Variants in SPTAN1 observed in about 807,000 individuals in gnomAD.
The protein encoded by SPTAN1 is spectrin alpha chain, non-erythrocytic 1.
Under a neutral mutation model 331.3 loss-of-function variants are expected in SPTAN1, and 61 were observed. The ratio of observed to expected loss-of-function variants is 0.18; its 90% CI spans 0.15 to 0.23. The LOEUF (loss-of-function observed/expected upper bound fraction) is 0.23, where lower values mean the gene tolerates loss of function less well. Ranked by LOEUF, SPTAN1 falls within the 10% of genes least tolerant of loss-of-function variation. The pLI is 1.00. For synonymous variants in SPTAN1, 1,153 were observed against 1,173.9 expected (o/e 0.98, Z 0.36); for missense variants, 2,043 against 3,147.9 (o/e 0.65, Z 8.40).
intron 5 of SPTAN1, 89 bp from the exon 6 acceptor site, chr9:128,576,734 T>G: frequency 1.9e-6 from 3 of 1,549,530 alleles, no homozygotes; most frequent in African/African-American, 1.4e-5. Context: ...GGTGATTTGC[T>G]GAGATGCTTC....
Position 128,611,716 on chromosome 9 carries a change from C to A in SPTAN1, c.4776C>A (p.Ser1592Arg), listed in dbSNP as rs184863049. 1 of 1,614,026 alleles carries A rather than the reference C, an allele frequency of 6.2e-7. No individual in the cohort carries two copies. Among genetic ancestry groups the A allele is most frequent in the Non-Finnish European group, 8.5e-7 (1 of 1,180,026 alleles). Residue 1592 changes from serine (S) to arginine (R), a missense_variant and splice_region_variant, in exon 38 of 57, where the codon AGC becomes AGA. By Grantham distance (110) the Ser-to-Arg change is moderately radical (BLOSUM62 -1). Coordinates refer to ENST00000372739, the MANE Select transcript of SPTAN1 (RefSeq NM_001130438.3). ...AAAAATTTTTTTGGTATTTTTAGAG[C>A]AAGCACCAGAAGCACCAGGCTTTTG... ...PTNIQLSKLLSKHQKHQAFEA... is the reference protein window; with the variant it reads ...PTNIQLSKLLRKHQKHQAFEA...
Position 128,578,147 on chromosome 9 carries a change from A to C in SPTAN1, c.1123A>C (p.Ser375Arg). The C allele has an allele frequency of 6.2e-7, 1 of 1,614,186 alleles. No homozygotes were observed. The highest frequency in any genetic ancestry group is 8.5e-7 in the Non-Finnish European group (1 of 1,180,034). Residue 375 changes from serine (S) to arginine (R), a missense_variant, in exon 9 of 57, where the codon AGC becomes CGC. Physicochemically the swap from Ser to Arg is moderately radical, Grantham distance 110. This residue lies in a region of SPTAN1 where 1,038 missense variants were observed against 1,531.5 expected (regional missense o/e 0.68). Coordinates refer to ENST00000372739, the MANE Select transcript of SPTAN1 (RefSeq NM_001130438.3). ...RFLADFRDLT[S>R]WVTEMKALIN... is the part of the protein sequence containing the mutation. ...CCTTGCTGACTTCCGTGACCTCACC[A>C]GCTGGGTGACTGAGATGAAAGCCCT...
rs1858943637 is a variant in SPTAN1 at position 128,627,478 on chromosome 9, C to T, written c.6669C>T (p.His2223=). The T allele has an allele frequency of 6.4e-7, 1 of 1,551,230 alleles. No individual in the cohort carries two copies. The change falls in exon 50 of 57, where the codon CAC becomes CAT. Residue 2223 remains histidine (H), a synonymous_variant. Transcript: ENST00000372739. This position sits in a 1 kb window ranked among gnomAD's most constrained non-coding sequence, Gnocchi z 4.9. ...QEFAQHANAF[H]QWIQETRTYL... ...TTGCCCAGCACGCCAACGCCTTCCA[C>T]CAGTGGATCCAAGAGACCAGGTGCC... is the stretch of plus-strand genomic sequence containing the variant.
chr9:128,615,925 G>T, intron 41 of SPTAN1, 85 bp downstream of exon 41: 25 of 1,456,872 alleles, frequency 1.7e-5, no homozygotes, highest in Non-Finnish European at 2.3e-5. Flanking sequence ...GAGTGGTGAG[G>T]CTGGAAACCC....
At chr9:128,556,369 A>G (rs1589109513) in intron 1 of SPTAN1, among the ~76,000 whole-genome samples, 1 of 152,162 alleles carries the variant, frequency 6.6e-6, no homozygotes, top group East Asian at 1.9e-4. Context: ...TCTAGTGTTT[A>G]TAGGTGATAA....
intron 37 of SPTAN1, 59 bp from the exon 38 acceptor site, chr9:128,611,655 C>T: frequency 6.2e-7 from 1 of 1,604,908 alleles, no homozygotes; most frequent in Non-Finnish European, 8.5e-7. Context: ...ACCCCTTCCC[C>T]CTGAAAAGAC....
chr9:128,607,507 T>G, intron 31 of SPTAN1, 97 bp from the exon 32 acceptor site: 1 of 1,109,626 alleles, frequency 9.0e-7, no homozygotes, highest in Admixed American at 1.7e-5. Flanking sequence ...CAAGATAACT[T>G]TCTGAGGCAA....
intron 24 of SPTAN1, among the ~76,000 whole-genome samples, chr9:128,595,667 C>G (rs1477727852): frequency 1.3e-5 from 2 of 152,082 alleles, no homozygotes; most frequent in African/African-American, 4.8e-5. Flanking sequence ...ATTTGTGTCA[C>G]TTCAGAAGAA....
intron 49 of SPTAN1, among the ~76,000 whole-genome samples, 159 bp downstream of exon 49, chr9:128,626,846 T>C (rs1014644675): frequency 6.6e-6 from 1 of 152,018 alleles, no homozygotes; most frequent in Non-Finnish European, 1.5e-5. Context: ...TGAGGCAGGG[T>C]CTCTGTCACC....
Position 128,625,840 on chromosome 9 carries a change from G to T in SPTAN1, c.6141G>T (p.Gln2047His), listed in dbSNP as rs1244126171. ...CCAACATCACTGCCCTCAAAGATCA[G>T]CTTCTCGCCGCCAAACACGTTCAGT... ...GIANITALKD[Q>H]LLAAKHVQSK... The change falls in exon 48 of 57, where the codon CAG becomes CAT. Residue 2047 changes from glutamine to histidine, a missense_variant. Gln to His is a conservative substitution (Grantham distance 24). This residue lies in a region of SPTAN1 where 256 missense variants were observed against 376.4 expected (regional missense o/e 0.68). Coordinates refer to ENST00000372739, the MANE Select transcript of SPTAN1 (RefSeq NM_001130438.3). The surrounding 1 kb of genome is among the most constrained non-coding windows in gnomAD (Gnocchi z 4.1). 3 of 1,614,200 alleles carry T rather than the reference G, an allele frequency of 1.9e-6. No individual in the cohort carries two copies. The highest frequency in any genetic ancestry group is 2.5e-6 in the Non-Finnish European group (3 of 1,180,036).
At chr9:128,588,637 C>A (rs914555489) in intron 20 of SPTAN1, among the ~76,000 whole-genome samples, 172 bp from the exon 21 acceptor site, 1 of 151,838 alleles carries the variant, frequency 6.6e-6, no homozygotes, top group Non-Finnish European at 1.5e-5. Context: ...TTTAAAGATA[C>A]CAAAAATTTA....
At chr9:128,565,163 C>A (rs564024771) in intron 1 of SPTAN1, among the ~76,000 whole-genome samples, 20 of 152,144 alleles carry the variant, frequency 1.3e-4, no homozygotes, top group African/African-American at 4.8e-4. Flanking sequence ...ATTAGCTGGG[C>A]GTGGTGGTGC....
Position 128,612,242 on chromosome 9 carries a change from C to T in SPTAN1, c.5039C>T (p.Ser1680Phe). 1 of 1,614,164 alleles carries T rather than the reference C, an allele frequency of 6.2e-7. No homozygotes were observed. Among genetic ancestry groups the T allele is most frequent in the Non-Finnish European group, 8.5e-7 (1 of 1,180,042 alleles). ...TGIKDFDFWL[S>F]EVEALLASED... ...ATCAAGGACTTTGACTTCTGGCTGT[C>T]TGAGGTAACACTGAGTGGTTCCTCT... The change falls in exon 39 of 57, where the codon TCT becomes TTT. Residue 1680 changes from serine (S) to phenylalanine (F), a missense_variant. Physicochemically the swap from Ser to Phe is radical, Grantham distance 155 (BLOSUM62 -2). This residue lies in a region of SPTAN1 where 323 missense variants were observed against 581.1 expected (regional missense o/e 0.56). Coordinates refer to ENST00000372739, the MANE Select transcript of SPTAN1 (RefSeq NM_001130438.3).
intron 35 of SPTAN1, 47 bp downstream of exon 35, chr9:128,609,024 C>T: frequency 6.2e-7 from 1 of 1,613,272 alleles, no homozygotes; most frequent in Non-Finnish European, 8.5e-7. Flanking sequence ...TGAGAGGATG[C>T]ATCCCCTCAT....
At chr9:128,618,188 A>C in intron 43 of SPTAN1, 80 bp downstream of exon 43, 1 of 1,593,774 alleles carries the variant, frequency 6.3e-7, no homozygotes, top group Non-Finnish European at 8.6e-7. Context: ...GTGGGGGTCC[A>C]GTGGGCCCTC....
At position 128,626,581 on chromosome 9, in the gene SPTAN1, A is replaced by G. The variant is rs985288328; in HGVS notation, c.6470A>G (p.Glu2157Gly). 5.6e-6 allele frequency: 9 copies of G among 1,613,722 alleles called. No homozygotes were observed. Among genetic ancestry groups the G allele is most frequent in the Non-Finnish European group, 7.6e-6 (9 of 1,179,922 alleles). Residue 2157 changes from glutamate (E) to glycine (G), a missense_variant, in exon 49 of 57, where the codon GAG (glutamate) becomes GGG (glycine). Transcript: ENST00000372739. Reference protein sequence around the residue: ...SAQADFNQLAELDRQIKSFRV... With the variant: ...SAQADFNQLAGLDRQIKSFRV... ...CAGGCTGACTTCAACCAGCTGGCCGAGCTGGACCGCCAGATCAAGAGCTTC... is the reference window on the plus strand; with the variant it reads ...CAGGCTGACTTCAACCAGCTGGCCGGGCTGGACCGCCAGATCAAGAGCTTC...
rs899103681 is a variant in SPTAN1 at position 128,625,373 on chromosome 9, C to T, written c.6069+194C>T. Among the ~76,000 whole-genome samples, 1 of 152,204 alleles carries T rather than the reference C, an allele frequency of 6.6e-6. No individual in the cohort carries two copies. Among genetic ancestry groups the T allele is most frequent in the African/African-American group, 2.4e-5 (1 of 41,460 alleles). Reference sequence around the variant, plus strand: ...ACAGAACCAGGCATCTCTGCAGCAGCCTGCTGGGTGCTGACGGGACTGGGC... The same window carrying T: ...ACAGAACCAGGCATCTCTGCAGCAGTCTGCTGGGTGCTGACGGGACTGGGC... On this transcript the variant is annotated intron_variant, in intron 47 of 56. Transcript: ENST00000372739. This position sits in a 1 kb window ranked among gnomAD's most constrained non-coding sequence, Gnocchi z 4.1.
intron 31 of SPTAN1, 83 bp from the exon 32 acceptor site, chr9:128,607,521 T>G: frequency 8.2e-7 from 1 of 1,215,630 alleles, no homozygotes; most frequent in Non-Finnish European, 1.2e-6. Context: ...GAGGCAAGAA[T>G]TATGTCATTC....
In SPTAN1 at chr9:128,629,975, C is replaced by G. The variant is rs910711877; in HGVS notation, c.6708-346C>G. 7.5e-6 allele frequency: 3 copies of G among 402,356 alleles called. No homozygotes were observed. Among genetic ancestry groups the G allele is most frequent in the African/African-American group, 6.2e-5 (3 of 48,518 alleles). The allele number at this position is 402,356 out of a possible 1,614,324, so 24.9% of individuals were successfully genotyped here. The stretch of plus-strand genomic sequence containing the variant: ...TCAGGTGTCAGGGTGTGCCATCCCC[C>G]ACATGGCTGCAGAGAGGATGCTCAG... On this transcript the variant is annotated intron_variant, in intron 51 of 56. Transcript: ENST00000372739. This position sits in a 1 kb window ranked among gnomAD's most constrained non-coding sequence, Gnocchi z 4.9.
Sources: allele counts gnomAD v4.1 joint callset (sites outside exome capture counted in the v4.1 genomes callset), GRCh38; gene constraint gnomAD v4.1.1; regional missense constraint gnomAD v4.1.1; non-coding constraint Gnocchi (gnomAD v3.1); transcripts MANE v1.5; gene names NCBI Gene and HGNC (gene_info 2026-07-23, HGNC 2026-07-21).